Variants in BAG6 observed in about 807,000 individuals in gnomAD.
BAG6 encodes the protein BAG cochaperone 6.
In BAG6, 22 loss-of-function variants were observed where a neutral mutation model predicts 121.0. The observed-to-expected ratio is 0.18, with a 90% CI of 0.13 to 0.26. BAG6 has a LOEUF of 0.26. Among genes scored for constraint, BAG6 ranks in the 10% least tolerant of loss-of-function variants. BAG6 has a pLI of 1.00. For synonymous variants in BAG6, 583 were observed against 584.6 expected (o/e 1.00, Z 0.04); for missense variants, 1,233 against 1,537.7 (o/e 0.80, Z 3.31).
intron 7 of BAG6, among the ~76,000 whole-genome samples, 165 bp from the exon 8 acceptor site, chr6:31,646,688 A>G (rs531450483): frequency 1.3e-4 from 20 of 149,668 alleles, no homozygotes; most frequent in Admixed American, 6.0e-4. Context: ...TCCGCCTCCC[A>G]GGTTCAAACG....
At chr6:31,651,585 C>T in intron 2 of BAG6, 71 bp downstream of exon 2, 2 of 1,325,874 alleles carry the variant, frequency 1.5e-6, no homozygotes, top group Non-Finnish European at 2.1e-6. Flanking sequence ...AAATCAAGCT[C>T]ATCTCTCAGG....
At chr6:31,643,305 G>A (rs981821175) in intron 14 of BAG6, among the ~76,000 whole-genome samples, 190 bp from the exon 15 acceptor site, 2 of 151,900 alleles carry the variant, frequency 1.3e-5, no homozygotes. Context: ...TAGCTACTCA[G>A]GAGGCTGAGG....
At chr6:31,651,885 C>A in intron 1 of BAG6, 109 bp from the exon 2 acceptor site, 1 of 725,002 alleles carries the variant, frequency 1.4e-6, no homozygotes, top group Non-Finnish European at 2.4e-6. Flanking sequence ...TTCTCCTGCA[C>A]ACACACACAT....
chr6:31,646,777 T>TG (rs1340250630), intron 7 of BAG6, among the ~76,000 whole-genome samples: 8 of 130,504 alleles, frequency 6.1e-5, no homozygotes, highest in Non-Finnish European at 1.3e-4. Context: ...TTTTTTTTTT[T>TG]TTTTTTTTTT....
At position 31,645,454 on chromosome 6, in the gene BAG6, G is replaced by A; in HGVS notation, c.1069C>T (p.His357Tyr). The change falls in exon 9 of 26, where the codon CAC (histidine) becomes TAC (tyrosine). Residue 357 changes from histidine to tyrosine, a missense_variant. His to Tyr is a moderately conservative substitution (Grantham distance 83). Transcript: ENST00000676615. ...TGGAGCACCATGGGGGTGGTGTAGT[G>A]AGACATAGGCCGGACCACATGCAGG... The part of the protein sequence containing the change: ...RHLHVVRPMS[H>Y]YTTPMVLQQA... 7 of 1,613,106 alleles carry A rather than the reference G, an allele frequency of 4.3e-6. No homozygotes were observed. Among genetic ancestry groups the A allele is most frequent in the East Asian group, 2.2e-5 (1 of 44,884 alleles).
chr6:31,639,326 C>T (rs142375348), intron 25 of BAG6, 100 bp from the exon 26 acceptor site: 17 of 1,453,050 alleles, frequency 1.2e-5, no homozygotes, highest in African/African-American at 5.6e-5. Flanking sequence ...ATTTCCCCCC[C>T]CAAGCACACT....
At position 31,645,672 on chromosome 6, in the gene BAG6, G is replaced by A. The variant is rs1788312025; in HGVS notation, c.919-68C>T. The A allele has an allele frequency of 3.9e-6, 6 of 1,550,586 alleles. No homozygotes were observed. In the Admixed American group the frequency reaches 1.1e-4, roughly 29 times the overall value. Reference sequence around the variant, plus strand: ...GCTGGAGTCCATCTCACTAATAAAAGCAATAATGCCTACTGAGAATACCAT... The same window carrying A: ...GCTGGAGTCCATCTCACTAATAAAAACAATAATGCCTACTGAGAATACCAT... On this transcript the variant is annotated intron_variant, in intron 8 of 25. Coordinates refer to ENST00000676615, the MANE Select transcript of BAG6 (RefSeq NM_001387994.1).
rs1345042768 is a variant in BAG6 at position 31,644,216 on chromosome 6, G to T, written c.1556-22C>A. ...TGTCCTGTGGGTGGCAGAAGAGACA[G>T]ACCGAAGAGGGCTGAGGGCCAGGCC... On this transcript the variant is annotated intron_variant, in intron 12 of 25. Coordinates refer to ENST00000676615, the MANE Select transcript of BAG6 (RefSeq NM_001387994.1). This position sits in a 1 kb window ranked among gnomAD's most constrained non-coding sequence, Gnocchi z 4.9. 1 of 1,605,180 alleles carries T rather than the reference G, an allele frequency of 6.2e-7. No individual in the cohort carries two copies. The highest frequency in any genetic ancestry group is 1.7e-5 in the Admixed American group (1 of 58,666).
In BAG6 at chr6:31,641,012, G is replaced by A; in HGVS notation, c.2788-74C>T. The stretch of plus-strand genomic sequence containing the variant: ...AGAAATAGATTAGATCCAGGTTACA[G>A]AATGTCAGTTTAGAAAAGAAAAATG... On this transcript the variant is annotated intron_variant, in intron 20 of 25. Coordinates refer to ENST00000676615, the MANE Select transcript of BAG6 (RefSeq NM_001387994.1). The surrounding 1 kb of genome is among the most constrained non-coding windows in gnomAD (Gnocchi z 5.7). 1.9e-6 allele frequency: 3 copies of A among 1,599,218 alleles called. No homozygotes were observed. Among genetic ancestry groups the A allele is most frequent in the South Asian group, 1.1e-5 (1 of 89,422 alleles).
chr6:31,644,162 T>C lies in BAG6; in HGVS notation c.1588A>G (p.Thr530Ala). ...GTGGGCCGGGCAATCACCACCCGGG[T>C]TGGAGCTGTTGGGAAGCCTGGCACC... ...QQVPGFPTAP[T>A]RVVIARPTPP... is the part of the protein sequence containing the mutation. Residue 530 changes from threonine to alanine, a missense_variant, in exon 13 of 26, where the codon ACC (threonine) becomes GCC (alanine). Transcript: ENST00000676615. This position sits in a 1 kb window ranked among gnomAD's most constrained non-coding sequence, Gnocchi z 4.9. 1 of 1,613,802 alleles carries C rather than the reference T, an allele frequency of 6.2e-7. No individual in the cohort carries two copies. Among genetic ancestry groups the C allele is most frequent in the Non-Finnish European group, 8.5e-7 (1 of 1,179,912 alleles).
At position 31,641,754 on chromosome 6, in the gene BAG6, G is replaced by A. The variant is rs749025563; in HGVS notation, c.2505+22C>T. On this transcript the variant is annotated intron_variant, in intron 17 of 25. Coordinates refer to ENST00000676615, the MANE Select transcript of BAG6 (RefSeq NM_001387994.1). The surrounding 1 kb of genome is among the most constrained non-coding windows in gnomAD (Gnocchi z 5.7). Reference sequence around the variant, plus strand: ...AAAATGTGCAAAAGAGGAGAGTTCTGGGGCCCCTGGCCTTCATTTACCCGG... The same window carrying A: ...AAAATGTGCAAAAGAGGAGAGTTCTAGGGCCCCTGGCCTTCATTTACCCGG... The A allele has an allele frequency of 6.2e-7, 1 of 1,612,526 alleles. No homozygotes were observed. Among genetic ancestry groups the A allele is most frequent in the African/African-American group, 1.3e-5 (1 of 74,818 alleles).
At chr6:31,647,520 A>G in intron 7 of BAG6, 71 bp downstream of exon 7, 2 of 1,585,202 alleles carry the variant, frequency 1.3e-6, no homozygotes, top group South Asian at 1.1e-5. Flanking sequence ...CTCCCTTGCC[A>G]TGGTTCATTT....
At chr6:31,643,136 A>C (rs747361882) in intron 14 of BAG6, 21 bp from the exon 15 acceptor site, 1 of 1,538,942 alleles carries the variant, frequency 6.5e-7, no homozygotes, top group South Asian at 1.2e-5. Flanking sequence ...CCAAAAAAAG[A>C]AAGCTGGGCT....
rs751961660 is a variant in BAG6 at position 31,645,521 on chromosome 6, C to T, written c.1002G>A (p.Leu334=). 3 of 1,613,134 alleles carry T rather than the reference C, an allele frequency of 1.9e-6. No homozygotes were observed. Among genetic ancestry groups the T allele is most frequent in the Non-Finnish European group, 2.5e-6 (3 of 1,180,036 alleles). ...LRLLGNTFVA[L]SDLRCNLACT... ...AGGCCAGATTGCAGCGCAGGTCAGACAGTGCAACAAAGGTGTTGCCCAGCA... is the reference window on the plus strand; with the variant it reads ...AGGCCAGATTGCAGCGCAGGTCAGATAGTGCAACAAAGGTGTTGCCCAGCA... Residue 334 remains leucine (L), a synonymous_variant, in exon 9 of 26, where the codon CTG becomes CTA. Coordinates refer to ENST00000676615, the MANE Select transcript of BAG6 (RefSeq NM_001387994.1).
chr6:31,646,250 T>G, intron 8 of BAG6, 144 bp downstream of exon 8: 1 of 1,278,478 alleles, frequency 7.8e-7, no homozygotes, highest in Admixed American at 2.6e-5. Context: ...CCTCCCAAAG[T>G]GCTGGGATTA....
chr6:31,645,458 C>T lies in BAG6; in HGVS notation c.1065G>A (p.Met355Ile). Reference protein sequence around the residue: ...PPRHLHVVRPMSHYTTPMVLQ... With the variant: ...PPRHLHVVRPISHYTTPMVLQ... ...GCACCATGGGGGTGGTGTAGTGAGA[C>T]ATAGGCCGGACCACATGCAGGTGTC... The change falls in exon 9 of 26, where the codon ATG becomes ATA. Residue 355 changes from methionine (M) to isoleucine (I), a missense_variant. By Grantham distance (10) the Met-to-Ile change is conservative. This residue lies in a region of BAG6 where 777 missense variants were observed against 861.4 expected (regional missense o/e 0.90). Transcript: ENST00000676615. 6.2e-7 allele frequency: 1 copy of T among 1,613,090 alleles called. No homozygotes were observed. Among genetic ancestry groups the T allele is most frequent in the Non-Finnish European group, 8.5e-7 (1 of 1,180,032 alleles).
At chr6:31,642,779 GC>G (rs767923582) in intron 15 of BAG6, 49 bp downstream of exon 15, 11 of 1,592,040 alleles carry the variant, frequency 6.9e-6, no homozygotes, top group Non-Finnish European at 9.4e-6. Context: ...CCACTGCCTG[GC>G]TGGGCCGGGG....
rs537800260 is a variant in BAG6 at position 31,645,472 on chromosome 6, C to T, written c.1051G>A (p.Val351Met). 1.9e-6 allele frequency: 3 copies of T among 1,613,116 alleles called. No homozygotes were observed. The highest frequency in any genetic ancestry group is 4.5e-5 in the East Asian group (2 of 44,884). ...LACTPPRHLH[V>M]VRPMSHYTTP... Reference sequence around the variant, plus strand: ...GTGTAGTGAGACATAGGCCGGACCACATGCAGGTGTCGTGGGGGCGTGCAG... The same window carrying T: ...GTGTAGTGAGACATAGGCCGGACCATATGCAGGTGTCGTGGGGGCGTGCAG... The change falls in exon 9 of 26, where the codon GTG becomes ATG. Residue 351 changes from valine to methionine, a missense_variant. Val to Met is a conservative substitution (Grantham distance 21). Transcript: ENST00000676615.
rs375958321 is a variant in BAG6 at position 31,647,673 on chromosome 6, G to A, written c.706C>T (p.Arg236Cys). 5.6e-6 allele frequency: 9 copies of A among 1,604,060 alleles called. No individual in the cohort carries two copies. Among genetic ancestry groups the A allele is most frequent in the Non-Finnish European group, 5.1e-6 (6 of 1,176,776 alleles). ...AGCTCCGGGTTCTGGGCTGGGGCACGCTCCTCCACTTCTTCTGCCTCCATG... is the reference window on the plus strand; with the variant it reads ...AGCTCCGGGTTCTGGGCTGGGGCACACTCCTCCACTTCTTCTGCCTCCATG... ...EPMEAEEVEE[R>C]APAQNPELTP... is the part of the protein sequence containing the mutation. The change falls in exon 7 of 26, where the codon CGT becomes TGT. Residue 236 changes from arginine to cysteine, a missense_variant. Transcript: ENST00000676615.
Sources: gnomAD v4.1 joint callset for allele counts (sites outside exome capture counted in the v4.1 genomes callset) on GRCh38, gnomAD v4.1.1 for gene constraint, gnomAD v4.1.1 regional missense constraint, Gnocchi (gnomAD v3.1) non-coding constraint, MANE v1.5 for transcripts, NCBI Gene and HGNC (gene_info 2026-07-23, HGNC 2026-07-21) for gene names.